Variants in AOPEP observed in about 807,000 individuals in gnomAD.
The protein encoded by AOPEP is aminopeptidase O (putative).
AOPEP carries 77 observed loss-of-function variants against 98.1 expected under a neutral mutation model. The observed-to-expected ratio is 0.78, with a 90% CI of 0.65 to 0.95. AOPEP has a LOEUF of 0.95. Among genes scored for constraint, AOPEP ranks in the 40% least tolerant of loss-of-function variants. The pLI, the probability that AOPEP is intolerant of heterozygous loss-of-function variation, is 0.00. For synonymous variants in AOPEP, 346 were observed against 365.3 expected (o/e 0.95, Z 0.60); for missense variants, 1,024 against 1,024.7 (o/e 1.00, Z 0.01).
chr9:94,747,075 T>C (rs1834671783), intron 1 of AOPEP, among the ~76,000 whole-genome samples: 1 of 148,808 alleles, frequency 6.7e-6, no homozygotes, highest in African/African-American at 2.5e-5. Flanking sequence ...CATATCACAA[T>C]AGAGTCTTTC....
chr9:95,117,710 T>C, the AOPEP span, among the ~76,000 whole-genome samples: 1 of 150,176 alleles, frequency 6.7e-6, no homozygotes, highest in Admixed American at 6.7e-5. Context: ...TGTGAGATGT[T>C]AGGTATTTCA....
Position 94,751,773 on chromosome 9 carries a change from TTTTAGA to T in AOPEP, c.-135-7874_-135-7869del, listed in dbSNP as rs201808901. On this transcript the variant is annotated intron_variant, in intron 1 of 16. Coordinates refer to ENST00000375315, the MANE Select transcript of AOPEP (RefSeq NM_001193329.3). Reference sequence around the variant, plus strand: ...TTTTTTTTTTTAACTGAAATTTTAATTTTAGATCCAGGGGGTCCATGTGCAGGTTTG... The same window carrying T: ...TTTTTTTTTTTAACTGAAATTTTAATTCCAGGGGGTCCATGTGCAGGTTTG... 7.5e-4 allele frequency among the ~76,000 whole-genome samples: 114 copies of T among 152,068 alleles called. 2 individuals carry two copies. In the East Asian group the frequency reaches 0.021, roughly 29 times the overall value.
intron 5 of AOPEP, among the ~76,000 whole-genome samples, chr9:94,870,672 G>T (rs893104210): frequency 2.6e-5 from 4 of 152,168 alleles, no homozygotes; most frequent in Admixed American, 1.3e-4. Flanking sequence ...CTGGTGCCTG[G>T]TGCCAGGTGA....
At chr9:95,130,885 C>T in the AOPEP span, among the ~76,000 whole-genome samples, 5 of 152,238 alleles carry the variant, frequency 3.3e-5, no homozygotes, top group South Asian at 1.0e-3. Flanking sequence ...TCACATCTAT[C>T]ATGTACAATG....
the AOPEP span, among the ~76,000 whole-genome samples, chr9:95,128,690 A>G: frequency 3.9e-5 from 6 of 152,168 alleles, no homozygotes; most frequent in Admixed American, 1.3e-4. Context: ...GCTCAATCCA[A>G]TGTTTTAAAT....
rs183636326 is a variant in AOPEP at position 94,957,319 on chromosome 9, C to T, written c.1872+1304C>T. On this transcript the variant is annotated intron_variant, in intron 9 of 16. Transcript: ENST00000375315. ...ACCTCCCAGATTCAAGTGATTCTCC[C>T]GCCTCAGCCTCCCGAGTAGCTGGGA... Among the ~76,000 whole-genome samples, 1,160 of 152,236 alleles carry T rather than the reference C, an allele frequency of 7.6e-3. 19 individuals carry two copies. Among genetic ancestry groups the T allele is most frequent in the African/African-American group, 0.026 (1,093 of 41,538 alleles).
intron 5 of AOPEP, among the ~76,000 whole-genome samples, chr9:94,826,017 TA>T (rs961731240): frequency 3.5e-4 from 53 of 152,334 alleles, no homozygotes; most frequent in African/African-American, 1.1e-3. Flanking sequence ...CTGTGACCCA[TA>T]TTTTTTTAAT....
intron 7 of AOPEP, among the ~76,000 whole-genome samples, chr9:94,950,214 C>A (rs1175888405): frequency 6.6e-6 from 1 of 152,152 alleles, no homozygotes; most frequent in Non-Finnish European, 1.5e-5. Flanking sequence ...AATGTCTTTG[C>A]CTGTCAGAGG....
intron 5 of AOPEP, among the ~76,000 whole-genome samples, chr9:94,823,648 C>T (rs138313931): frequency 3.5e-4 from 53 of 152,258 alleles, no homozygotes; most frequent in Admixed American, 6.5e-4. Flanking sequence ...GGTTCCCACA[C>T]CAGGCTGAGT....
the AOPEP span, among the ~76,000 whole-genome samples, chr9:95,104,351 G>A: frequency 6.6e-6 from 1 of 152,218 alleles, no homozygotes; most frequent in African/African-American, 2.4e-5. Flanking sequence ...GTGCATGAGC[G>A]CCACACTGGC....
intron 2 of AOPEP, among the ~76,000 whole-genome samples, chr9:94,766,681 G>C (rs1839701990): frequency 6.6e-6 from 1 of 152,220 alleles, no homozygotes; most frequent in Admixed American, 6.5e-5. Flanking sequence ...GAATTGAATG[G>C]AGGAAAATTC....
At chr9:95,079,690 C>T (rs982251753) in intron 14 of AOPEP, among the ~76,000 whole-genome samples, 2 of 152,230 alleles carry the variant, frequency 1.3e-5, no homozygotes, top group African/African-American at 2.4e-5. Context: ...GGGCTGGCAT[C>T]GGACTCTTCC....
At chr9:94,962,213 G>GAAC (rs2058891786) in intron 9 of AOPEP, among the ~76,000 whole-genome samples, 1 of 152,060 alleles carries the variant, frequency 6.6e-6, no homozygotes, top group African/African-American at 2.4e-5. Flanking sequence ...TCCAATTTAG[G>GAAC]TGACAGCCCT....
At chr9:95,060,414 T>G (rs974177340) in intron 13 of AOPEP, among the ~76,000 whole-genome samples, 2 of 152,224 alleles carry the variant, frequency 1.3e-5, no homozygotes, top group Non-Finnish European at 2.9e-5. Flanking sequence ...TAATGTTTTA[T>G]TAAGATAAGC....
At chr9:95,016,142 T>TC (rs568322048) in intron 13 of AOPEP, among the ~76,000 whole-genome samples, 75 of 148,846 alleles carry the variant, frequency 5.0e-4, no homozygotes, top group Admixed American at 1.8e-3. Context: ...TTTTTTTTTT[T>TC]CCCCCCACGG....
intron 13 of AOPEP, among the ~76,000 whole-genome samples, chr9:95,030,557 A>G (rs918013635): frequency 6.6e-5 from 10 of 152,200 alleles, no homozygotes; most frequent in Non-Finnish European, 1.3e-4. Flanking sequence ...TCTGAGCCTC[A>G]TGAAGGGATC....
Position 94,972,214 on chromosome 9 carries a change from C to T in AOPEP, c.1916+4413C>T, listed in dbSNP as rs943940221. Among the ~76,000 whole-genome samples the T allele has an allele frequency of 1.1e-4, 17 of 152,088 alleles. No homozygotes were observed. The highest frequency in any genetic ancestry group is 3.9e-4 in the East Asian group (2 of 5,190). On this transcript the variant is annotated intron_variant, in intron 10 of 16. Transcript: ENST00000375315. The surrounding 1 kb of genome is among the most constrained non-coding windows in gnomAD (Gnocchi z 4.2). ...GTTGACTGGTTGTGAAAGTTGAGTC[C>T]GACCTTTCTTTCTTAGCCACTAAGT...
intron 11 of AOPEP, among the ~76,000 whole-genome samples, chr9:94,984,351 C>T (rs183286387): frequency 4.6e-5 from 7 of 152,074 alleles, no homozygotes; most frequent in East Asian, 1.9e-4. Context: ...TTAATTTAGT[C>T]GTAATTAAAT....
chr9:95,109,594 C>T, the AOPEP span: 4 of 152,156 alleles, frequency 2.6e-5, no homozygotes, highest in Admixed American at 2.6e-4. Flanking sequence ...GGGTGGCTTG[C>T]CCATGAGTGG....
Sources: allele counts gnomAD v4.1 joint callset (sites outside exome capture counted in the v4.1 genomes callset), GRCh38; gene constraint gnomAD v4.1.1; non-coding constraint Gnocchi (gnomAD v3.1); transcripts MANE v1.5; gene names NCBI Gene and HGNC (gene_info 2026-07-23, HGNC 2026-07-21).